The following NFASC variants were observed in gnomAD, a reference collection of about 807,000 sequenced individuals.
NFASC encodes neurofascin homolog.
In NFASC, 43 loss-of-function variants were observed where a neutral mutation model predicts 147.5. The ratio of observed to expected loss-of-function variants is 0.29; its 90% CI spans 0.23 to 0.38. The LOEUF is 0.38. NFASC is among the 10% of genes least tolerant of loss of function. The probability of loss-of-function intolerance (pLI) is 1.00; values close to 1 mark genes in which losing one functional copy is unlikely to be tolerated. For missense variants in NFASC, 1,320 were observed against 1,689.0 expected (o/e 0.78, Z 3.83); for synonymous variants, 622 against 665.5 (o/e 0.93, Z 1.01).
chr1:205,013,573 A>T (rs1408521635), intron 29 of NFASC, among the ~76,000 whole-genome samples: 1 of 152,082 alleles, frequency 6.6e-6, no homozygotes, highest in African/African-American at 2.4e-5. Flanking sequence ...GCTATTCTAT[A>T]CTTCTATACC....
chr1:204,918,739 T>C (rs1320958726), intron 1 of NFASC, among the ~76,000 whole-genome samples: 1 of 148,092 alleles, frequency 6.8e-6, no homozygotes, highest in Non-Finnish European at 1.5e-5. Flanking sequence ...GTGCCCACCA[T>C]GACGCCCGGC....
intron 1 of NFASC, among the ~76,000 whole-genome samples, chr1:204,882,602 C>G (rs74656024): frequency 0.014 from 2,177 of 152,236 alleles, 67 homozygotes; most frequent in African/African-American, 0.05. Context: ...CCGTCTCCCC[C>G]ACTGGAAGGT....
chr1:204,918,282 A>C (rs1025732024), intron 1 of NFASC, among the ~76,000 whole-genome samples: 1 of 152,222 alleles, frequency 6.6e-6, no homozygotes, highest in Non-Finnish European at 1.5e-5. Flanking sequence ...TGTCCAGCCC[A>C]CAGGCCACAT....
intron 21 of NFASC, among the ~76,000 whole-genome samples, chr1:204,985,413 T>C (rs987692057): frequency 5.9e-5 from 9 of 152,344 alleles, no homozygotes; most frequent in African/African-American, 2.2e-4. Flanking sequence ...CAACCCTTTC[T>C]CATATTCAGA....
intron 23 of NFASC, among the ~76,000 whole-genome samples, chr1:204,990,799 C>T (rs2095714178): frequency 6.6e-6 from 1 of 152,144 alleles, no homozygotes; most frequent in Admixed American, 6.5e-5. Flanking sequence ...GCATCTTCCC[C>T]CAAAGACAGG....
rs1297197842 is a variant in NFASC, at chr1:205,022,111, A to T, written c.*5572A>T. 3 of 152,662 alleles carry T rather than the reference A, an allele frequency of 2.0e-5. No individual in the cohort carries two copies. Among genetic ancestry groups the T allele is most frequent in the Non-Finnish European group, 4.4e-5 (3 of 68,038 alleles). The allele number at this position is 152,662 out of a possible 1,614,324, so 9.5% of individuals were successfully genotyped here. The stretch of plus-strand genomic sequence containing the variant: ...TAAAGACTTCAGTGAAGCAATAAAC[A>T]CAAAACTCTGGGAGAAGATATCCAG... On this transcript the variant is annotated 3_prime_UTR_variant, in exon 30 of 30. Transcript: ENST00000339876.
Position 205,019,218 on chromosome 1 carries a change from C to T in NFASC, c.*2679C>T, listed in dbSNP as rs930877709. 2 of 152,318 alleles carry T rather than the reference C, an allele frequency of 1.3e-5. No homozygotes were observed. Among genetic ancestry groups the T allele is most frequent in the African/African-American group, 2.4e-5 (1 of 41,456 alleles). 9.4% of individuals were successfully genotyped at this position (152,318 alleles called of 1,614,324 possible). A position where few individuals can be genotyped will look rare whatever the true frequency, so the allele number is the denominator to read the frequency against. On this transcript the variant is annotated 3_prime_UTR_variant, in exon 30 of 30. Coordinates refer to ENST00000339876, the MANE Select transcript of NFASC (RefSeq NM_001005388.3). ...AGGAGGGTGCATTTTCCATGGAGCC[C>T]ATGTCAGAGTCCACTCCAGCTCAGC...
intron 24 of NFASC, 107 bp from the exon 25 acceptor site, chr1:204,997,063 A>C: frequency 6.6e-7 from 1 of 1,519,336 alleles, no homozygotes. Context: ...CCTGATGACT[A>C]AGCCCCGTCT....
At chr1:204,935,822 G>A (rs2092768566) in intron 2 of NFASC, among the ~76,000 whole-genome samples, 2 of 152,278 alleles carry the variant, frequency 1.3e-5, no homozygotes, top group African/African-American at 2.4e-5. Context: ...ATGTCTTGCC[G>A]TTGCCCCCGT....
rs139205012 is a variant in NFASC at position 204,981,868 on chromosome 1, G to A, written c.2318G>A (p.Arg773Gln). The change falls in exon 21 of 30, where the codon CGA becomes CAA. Residue 773 changes from arginine (R) to glutamine (Q), a missense_variant. Coordinates refer to ENST00000339876, the MANE Select transcript of NFASC (RefSeq NM_001005388.3). ...GTCAAGTGGAGGCGGAGAGAGACTC[G>A]AGAGGCCTGGAACAACGTCACAGTG... is the stretch of plus-strand genomic sequence containing the variant. Reference protein sequence around the residue: ...YIVKWRRRETREAWNNVTVWG... With the variant: ...YIVKWRRRETQEAWNNVTVWG... The A allele has an allele frequency of 1.1e-3, 1,777 of 1,605,410 alleles. 6 individuals carry two copies. Among genetic ancestry groups the A allele is most frequent in the Middle Eastern group, 2.0e-3 (12 of 6,044 alleles).
chr1:204,859,697 T>C (rs72755891), intron 1 of NFASC, among the ~76,000 whole-genome samples: 3,327 of 152,310 alleles, frequency 0.022, 59 homozygotes, highest in South Asian at 0.042. Context: ...TTTATGCACA[T>C]TAAAATTCAC....
At chr1:204,833,047 G>A (rs574581700) in intron 1 of NFASC, among the ~76,000 whole-genome samples, 4 of 152,214 alleles carry the variant, frequency 2.6e-5, no homozygotes, top group Admixed American at 6.5e-5. Flanking sequence ...ATGGCTGTGC[G>A]GGGTGCTTGA....
Position 204,988,750 on chromosome 1 carries a change from C to T in NFASC, c.2711C>T (p.Thr904Met), listed in dbSNP as rs1217561752. Residue 904 changes from threonine (T) to methionine (M), a missense_variant, in exon 23 of 30, where the codon ACG becomes ATG. This residue lies in a region of NFASC where 981 missense variants were observed against 1,289.5 expected (regional missense o/e 0.76). Transcript: ENST00000339876. ...TACCGCTTTACCCTCAGCGCCAGGACGCAGGTGGGCTCTGGGGAAGCCGTC... is the reference window on the plus strand; with the variant it reads ...TACCGCTTTACCCTCAGCGCCAGGATGCAGGTGGGCTCTGGGGAAGCCGTC... ...SRYRFTLSAR[T>M]QVGSGEAVTE... The T allele has an allele frequency of 6.8e-6, 11 of 1,614,100 alleles. No individual in the cohort carries two copies. The highest frequency in any genetic ancestry group is 2.7e-5 in the African/African-American group (2 of 74,924).
intron 2 of NFASC, among the ~76,000 whole-genome samples, chr1:204,922,992 G>C (rs192468648): frequency 9.8e-4 from 150 of 152,312 alleles, no homozygotes; most frequent in African/African-American, 3.5e-3. Context: ...TATTACCCGT[G>C]TTTTACTGAT....
chr1:204,916,131 G>A (rs1048952743), intron 1 of NFASC, among the ~76,000 whole-genome samples: 3 of 152,180 alleles, frequency 2.0e-5, no homozygotes, highest in African/African-American at 7.2e-5. Flanking sequence ...CTGGAATCTA[G>A]GGACAGCAAC....
At chr1:204,956,050 C>G (rs977738778) in intron 7 of NFASC, among the ~76,000 whole-genome samples, 3 of 152,154 alleles carry the variant, frequency 2.0e-5, no homozygotes, top group Non-Finnish European at 2.9e-5. Context: ...CTTCTCCTCT[C>G]TCATCTCTCC....
intron 1 of NFASC, among the ~76,000 whole-genome samples, chr1:204,835,393 A>G (rs949233839): frequency 1.1e-4 from 17 of 151,566 alleles, no homozygotes; most frequent in African/African-American, 4.1e-4. Flanking sequence ...ACACCCCGCT[A>G]ATTTTTGTAT....
intron 4 of NFASC, 74 bp downstream of exon 4, chr1:204,950,648 G>T: frequency 1.4e-6 from 2 of 1,414,422 alleles, no homozygotes; most frequent in Non-Finnish European, 2.0e-6. Context: ...GATACCTGGG[G>T]ATTAGTGGCC....
At chr1:204,903,157 C>G (rs1254895016) in intron 1 of NFASC, among the ~76,000 whole-genome samples, 1 of 152,188 alleles carries the variant, frequency 6.6e-6, no homozygotes, top group East Asian at 1.9e-4. Context: ...AATTTTAATA[C>G]TCTGTCCTCA....
Sources: allele counts gnomAD v4.1 joint callset (sites outside exome capture counted in the v4.1 genomes callset), GRCh38; gene constraint gnomAD v4.1.1; regional missense constraint gnomAD v4.1.1; transcripts MANE v1.5; gene names NCBI Gene and HGNC (gene_info 2026-07-23, HGNC 2026-07-21).